GLRA1: variants seen among roughly 807,000 people sequenced by gnomAD.
The protein encoded by GLRA1 is glycine receptor alpha 1.
A neutral mutation model predicts 48.3 loss-of-function variants in GLRA1; 37 were observed. That is an observed-to-expected ratio of 0.77 (90% CI 0.59 to 1.01). The LOEUF is 1.01. Ranked by LOEUF, GLRA1 falls within the 50% of genes least tolerant of loss-of-function variation. GLRA1 has a pLI of 0.00. For synonymous variants in GLRA1, 196 were observed against 210.7 expected, an observed-to-expected ratio of 0.93 and a Z score of 0.60; for missense variants, 427 against 571.0, an observed-to-expected ratio of 0.75 and a Z score of 2.57.
rs919180135 is a variant in GLRA1, at chr5:151,850,145, C to A, written c.912+1245G>T. On this transcript the variant is annotated intron_variant, in intron 7 of 8. Coordinates refer to ENST00000274576, the MANE Select transcript of GLRA1 (RefSeq NM_000171.4). ...GGCCTTCCAATGGCTTCCCAGGACC[C>A]CAGGGTCCATATTACTGCAGTGTGG... The A allele has an allele frequency of 1.9e-6, 3 of 1,603,796 alleles. No individual in the cohort carries two copies. In the African/African-American group the frequency reaches 4.0e-5, roughly 21 times the overall value.
intron 4 of GLRA1, among the ~76,000 whole-genome samples, chr5:151,857,829 G>A (rs1753088177): frequency 6.6e-6 from 1 of 152,260 alleles, no homozygotes; most frequent in Admixed American, 6.5e-5. Context: ...TGCAGGGGAT[G>A]GAGAAGAAAG....
chr5:151,877,532 C>CA (rs5872231), intron 3 of GLRA1, among the ~76,000 whole-genome samples: 1 of 152,040 alleles, frequency 6.6e-6, no homozygotes, highest in Non-Finnish European at 1.5e-5. Context: ...ACAACAACAA[C>CA]AAAAAACTCC....
chr5:151,885,580 G>A (rs1753878573), intron 3 of GLRA1, among the ~76,000 whole-genome samples: 1 of 152,246 alleles, frequency 6.6e-6, no homozygotes, highest in African/African-American at 2.4e-5. Context: ...AGGGAAAGGA[G>A]GCTGGAGTGG....
intron 1 of GLRA1, among the ~76,000 whole-genome samples, chr5:151,912,562 A>T (rs1294973751): frequency 6.6e-6 from 1 of 152,182 alleles, no homozygotes; most frequent in Non-Finnish European, 1.5e-5. Context: ...TCTAGCTCAC[A>T]TTCTCACTGT....
intron 3 of GLRA1, among the ~76,000 whole-genome samples, chr5:151,860,586 G>C (rs986397952): frequency 2.0e-5 from 3 of 152,204 alleles, no homozygotes; most frequent in African/African-American, 7.2e-5. Context: ...ATGGGCGGAA[G>C]AATTCTGTAG....
intron 7 of GLRA1, among the ~76,000 whole-genome samples, chr5:151,843,256 ATT>A (rs34491994): frequency 0.093 from 11,181 of 120,098 alleles, 318 homozygotes; most frequent in Non-Finnish European, 0.14. Flanking sequence ...CTGCTTCTAA[ATT>A]TTTTTTTTTT....
At chr5:151,850,315 T>G in intron 7 of GLRA1, 1 of 1,584,648 alleles carries the variant, frequency 6.3e-7, no homozygotes, top group Non-Finnish European at 8.7e-7. Context: ...AGAATCAGCA[T>G]GGGAGATCAT....
intron 1 of GLRA1, among the ~76,000 whole-genome samples, chr5:151,918,646 A>G (rs1426883101): frequency 6.6e-6 from 1 of 152,236 alleles, no homozygotes; most frequent in Non-Finnish European, 1.5e-5. Flanking sequence ...AGGAGGGAAT[A>G]TAGAATTGCG....
At chr5:151,835,962 C>A (rs1019329810) in intron 7 of GLRA1, among the ~76,000 whole-genome samples, 7 of 152,094 alleles carry the variant, frequency 4.6e-5, no homozygotes, top group Non-Finnish European at 7.3e-5. Flanking sequence ...CTGGCCAGGG[C>A]AGTCAGGCAA....
intron 4 of GLRA1, among the ~76,000 whole-genome samples, chr5:151,859,511 A>G (rs979830956): frequency 3.9e-5 from 6 of 152,218 alleles, no homozygotes; most frequent in Non-Finnish European, 8.8e-5. Context: ...TTTGATTGAA[A>G]TGCTGAGTAA....
chr5:151,920,547 G>A (rs60716506), intron 1 of GLRA1, among the ~76,000 whole-genome samples: 2,132 of 152,174 alleles, frequency 0.014, 56 homozygotes, highest in African/African-American at 0.049. Context: ...TGTCCAACCC[G>A]TCCTTCAGGA....
At chr5:151,914,202 C>G (rs1436656534) in intron 1 of GLRA1, among the ~76,000 whole-genome samples, 7 of 152,144 alleles carry the variant, frequency 4.6e-5, no homozygotes, top group Non-Finnish European at 1.0e-4. Flanking sequence ...GAAAGTGTCT[C>G]TGGTGTCACT....
chr5:151,911,600 G>GTTTTTT (rs768033241), intron 1 of GLRA1, among the ~76,000 whole-genome samples: 60 of 92,330 alleles, frequency 6.5e-4, no homozygotes, highest in South Asian at 1.4e-3. Flanking sequence ...CCAAGCTAGA[G>GTTTTTT]TTTTTTTTTT....
intron 7 of GLRA1, among the ~76,000 whole-genome samples, chr5:151,844,046 T>C (rs942159819): frequency 6.6e-6 from 1 of 152,060 alleles, no homozygotes; most frequent in Non-Finnish European, 1.5e-5. Context: ...GGTGCATGCC[T>C]GTAATCCCAG....
At position 151,859,882 on chromosome 5, in the gene GLRA1, A is replaced by G. The variant is rs1753149457; in HGVS notation, c.379T>C (p.Phe127Leu). The change falls in exon 4 of 9, where the codon TTC (phenylalanine) becomes CTC (leucine). Residue 127 changes from phenylalanine (F) to leucine (L), a missense_variant. Transcript: ENST00000274576. ...MLDSIWKPDLFFANEKGAHFH... is the reference protein window; with the variant it reads ...MLDSIWKPDLLFANEKGAHFH... ...TGGGCCCCCTTCTCGTTGGCAAAGA[A>G]CAGGTCAGGTTTCCAGATGGAGTCC... 4.3e-6 allele frequency: 7 copies of G among 1,614,014 alleles called. No homozygotes were observed. The highest frequency in any genetic ancestry group is 2.7e-5 in the African/African-American group (2 of 74,910).
intron 1 of GLRA1, among the ~76,000 whole-genome samples, chr5:151,899,751 T>A (rs1754317719): frequency 6.6e-6 from 1 of 152,152 alleles, no homozygotes; most frequent in African/African-American, 2.4e-5. Flanking sequence ...TTACTGTCAC[T>A]GTCACTTCAT....
At chr5:151,889,570 C>A (rs533026589) in intron 2 of GLRA1, among the ~76,000 whole-genome samples, 11 of 152,348 alleles carry the variant, frequency 7.2e-5, no homozygotes, top group African/African-American at 2.6e-4. Context: ...TCCTGGCTAC[C>A]TGTGTTTTCA....
Position 151,924,613 on chromosome 5 carries a change from T to G in GLRA1, c.-64A>C. 1.0e-6 allele frequency: 1 copy of G among 999,560 alleles called. No homozygotes were observed. Among genetic ancestry groups the G allele is most frequent in the Non-Finnish European group, 1.6e-6 (1 of 618,614 alleles). 61.9% of individuals were successfully genotyped at this position (999,560 alleles called of 1,614,324 possible). A position where few individuals can be genotyped will look rare whatever the true frequency, so the allele number is the denominator to read the frequency against. ...GGGCAAAAATGTTTCAAATTGGCAC[T>G]TACAAAACCAGAAAGCGCTATTGCA... On this transcript the variant is annotated 5_prime_UTR_variant, in exon 1 of 9. Coordinates refer to ENST00000274576, the MANE Select transcript of GLRA1 (RefSeq NM_000171.4).
intron 7 of GLRA1, among the ~76,000 whole-genome samples, chr5:151,849,336 C>T (rs528650124): frequency 9.3e-6 from 1 of 107,180 alleles, no homozygotes; most frequent in Non-Finnish European, 1.9e-5. Context: ...TCTCTCTCTC[C>T]CCCTTCCTTC....
Sources: allele counts gnomAD v4.1 joint callset (sites outside exome capture counted in the v4.1 genomes callset), GRCh38; gene constraint gnomAD v4.1.1; transcripts MANE v1.5; gene names NCBI Gene and HGNC (gene_info 2026-07-23, HGNC 2026-07-21).